Variants in CAMKMT observed in about 807,000 individuals in gnomAD.
CAMKMT encodes calmodulin-lysine N-methyltransferase.
In CAMKMT, 53 loss-of-function variants were observed where a neutral mutation model predicts 48.0. The ratio of observed to expected loss-of-function variants is 1.10; its 90% CI spans 0.89 to 1.39. The LOEUF (loss-of-function observed/expected upper bound fraction) is 1.39, where lower values mean the gene tolerates loss of function less well. Ranked by LOEUF, CAMKMT falls within the 40% of genes most tolerant of loss-of-function variation. CAMKMT has a pLI of 0.00. For missense variants in CAMKMT, 428 were observed against 402.7 expected (o/e 1.06, Z -0.54); for synonymous variants, 165 against 152.3 (o/e 1.08, Z -0.61).
intron 3 of CAMKMT, among the ~76,000 whole-genome samples, chr2:44,602,924 C>T (rs1671081330): frequency 6.6e-6 from 1 of 151,842 alleles, no homozygotes; most frequent in African/African-American, 2.4e-5. Flanking sequence ...GCTATCTCTC[C>T]ATTATTTTTT....
chr2:44,394,925 A>G, intron 3 of CAMKMT: 1 of 454,880 alleles, frequency 2.2e-6, no homozygotes, highest in South Asian at 1.6e-5. Context: ...TCAGAAGGCT[A>G]AGGCTGGATG....
intron 3 of CAMKMT, among the ~76,000 whole-genome samples, chr2:44,682,142 G>T (rs1476890667): frequency 6.6e-6 from 1 of 152,162 alleles, no homozygotes; most frequent in African/African-American, 2.4e-5. Context: ...ACATAGAAGA[G>T]ATCTAACTGT....
Position 44,669,288 on chromosome 2 carries a change from T to C in CAMKMT, c.377-34995T>C, listed in dbSNP as rs1229207216. 2.0e-5 allele frequency among the ~76,000 whole-genome samples: 3 copies of C among 152,234 alleles called. No individual in the cohort carries two copies. In the East Asian group the frequency reaches 5.8e-4, roughly 29 times the overall value. On this transcript the variant is annotated intron_variant, in intron 3 of 10. Transcript: ENST00000378494. Reference sequence around the variant, plus strand: ...AATTCATTTTTACTGCAATATAATATTCTACTGTATGATATTAGTTTATTT... The same window carrying C: ...AATTCATTTTTACTGCAATATAATACTCTACTGTATGATATTAGTTTATTT...
At chr2:44,667,327 C>T (rs761205967) in intron 3 of CAMKMT, among the ~76,000 whole-genome samples, 2 of 152,186 alleles carry the variant, frequency 1.3e-5, no homozygotes, top group African/African-American at 4.8e-5. Context: ...TATCCCCATC[C>T]GGCTCTCCCC....
intron 3 of CAMKMT, among the ~76,000 whole-genome samples, chr2:44,430,833 G>GA (rs1363066692): frequency 2.0e-5 from 3 of 152,108 alleles, no homozygotes; most frequent in African/African-American, 7.2e-5. Context: ...CCAGAAGCAA[G>GA]GAATTAAGTA....
intron 3 of CAMKMT, among the ~76,000 whole-genome samples, chr2:44,601,330 C>A: frequency 6.6e-6 from 1 of 152,044 alleles, no homozygotes; most frequent in Non-Finnish European, 1.5e-5. Flanking sequence ...GTGGTACATG[C>A]CTCTAATTCC....
chr2:44,645,665 AC>A (rs1215408850), intron 3 of CAMKMT, among the ~76,000 whole-genome samples: 13 of 152,156 alleles, frequency 8.5e-5, no homozygotes, highest in African/African-American at 2.7e-4. Flanking sequence ...TACTAAAAAT[AC>A]AAAAATTAGC....
chr2:44,457,599 A>G (rs1667634701), intron 3 of CAMKMT, among the ~76,000 whole-genome samples: 1 of 151,922 alleles, frequency 6.6e-6, no homozygotes, highest in Admixed American at 6.6e-5. Context: ...GGGTTTCACC[A>G]TGTTGGCCAG....
chr2:44,500,447 AT>A (rs1162709921), intron 3 of CAMKMT, among the ~76,000 whole-genome samples: 1 of 151,988 alleles, frequency 6.6e-6, no homozygotes, highest in Admixed American at 6.6e-5. Context: ...TATTTAAAAG[AT>A]TTTTGTTGTA....
intron 7 of CAMKMT, among the ~76,000 whole-genome samples, chr2:44,727,836 A>G (rs1416428025): frequency 1.8e-4 from 28 of 152,240 alleles, no homozygotes; most frequent in Admixed American, 1.8e-3. Flanking sequence ...GGAGTTTATC[A>G]GAAACTTTTT....
chr2:44,534,916 C>T (rs1468893144), intron 3 of CAMKMT, among the ~76,000 whole-genome samples: 2 of 150,986 alleles, frequency 1.3e-5, no homozygotes, highest in African/African-American at 2.4e-5. Context: ...TCAAAGAAAA[C>T]AATAAAAAGG....
intron 10 of CAMKMT, among the ~76,000 whole-genome samples, chr2:44,767,747 A>C (rs1470788175): frequency 6.6e-6 from 1 of 152,080 alleles, no homozygotes; most frequent in Non-Finnish European, 1.5e-5. Context: ...CCCCCTAAAA[A>C]AAAGCGGGTC....
chr2:44,494,935 G>A (rs896623426), intron 3 of CAMKMT, among the ~76,000 whole-genome samples: 1 of 152,128 alleles, frequency 6.6e-6, no homozygotes, highest in Non-Finnish European at 1.5e-5. Flanking sequence ...GGCAGGTACT[G>A]TATCTTATTT....
intron 3 of CAMKMT, among the ~76,000 whole-genome samples, chr2:44,636,345 A>G (rs1281060649): frequency 6.6e-6 from 1 of 152,196 alleles, no homozygotes; most frequent in Non-Finnish European, 1.5e-5. Context: ...GGAAGACACA[A>G]TTACCAGAGT....
At chr2:44,404,408 C>A (rs993290663) in intron 3 of CAMKMT, among the ~76,000 whole-genome samples, 2 of 151,986 alleles carry the variant, frequency 1.3e-5, no homozygotes, top group African/African-American at 2.4e-5. Flanking sequence ...TTTTAAAATA[C>A]ATACGTGTTA....
chr2:44,533,338 A>G (rs560598705), intron 3 of CAMKMT, among the ~76,000 whole-genome samples: 2 of 151,570 alleles, frequency 1.3e-5, no homozygotes, highest in East Asian at 3.9e-4. Context: ...TCCTTGGTTC[A>G]AGCAATTCTC....
intron 3 of CAMKMT, among the ~76,000 whole-genome samples, chr2:44,390,683 C>T (rs1003085559): frequency 1.8e-4 from 28 of 152,034 alleles, no homozygotes; most frequent in Non-Finnish European, 3.8e-4. Flanking sequence ...TGCTTTGTTT[C>T]GGGTGCTTTC....
chr2:44,742,302 G>C (rs1055883678), intron 7 of CAMKMT, among the ~76,000 whole-genome samples: 1 of 152,170 alleles, frequency 6.6e-6, no homozygotes, highest in Non-Finnish European at 1.5e-5. Context: ...TATCCAGTAG[G>C]CCTCAGCAAG....
At chr2:44,769,746 A>G (rs1361926092) in intron 10 of CAMKMT, among the ~76,000 whole-genome samples, 1 of 152,140 alleles carries the variant, frequency 6.6e-6, no homozygotes, top group Non-Finnish European at 1.5e-5. Context: ...TGGGCTGTGA[A>G]GTCAGTACAT....
Sources: allele counts gnomAD v4.1 joint callset (sites outside exome capture counted in the v4.1 genomes callset), GRCh38; gene constraint gnomAD v4.1.1; transcripts MANE v1.5; gene names NCBI Gene and HGNC (gene_info 2026-07-23, HGNC 2026-07-21).